Variants in PSD2 observed in about 807,000 individuals in gnomAD.
The protein encoded by PSD2 is pleckstrin and Sec7 domain containing 2, also known as PH and SEC7 domain-containing protein 2.
In PSD2, 38 loss-of-function variants were observed where a neutral mutation model predicts 69.8. The ratio of observed to expected loss-of-function variants is 0.54; its 90% CI spans 0.42 to 0.71. The LOEUF is 0.71. Ranked by LOEUF, PSD2 falls within the 30% of genes least tolerant of loss-of-function variation. The pLI, the probability that PSD2 is intolerant of heterozygous loss-of-function variation, is 0.00. For synonymous variants in PSD2, 412 were observed against 423.0 expected, an observed-to-expected ratio of 0.97 and a Z score of 0.32; for missense variants, 943 against 1,014.5, an observed-to-expected ratio of 0.93 and a Z score of 0.96.
the PSD2 span, among the ~76,000 whole-genome samples, chr5:139,786,587 G>A: frequency 1.3e-5 from 2 of 152,098 alleles, no homozygotes; most frequent in Admixed American, 6.5e-5. Flanking sequence ...AGTCCATGTG[G>A]TGGATCACCT....
At chr5:139,778,152 T>C in the PSD2 span, among the ~76,000 whole-genome samples, 1 of 152,192 alleles carries the variant, frequency 6.6e-6, no homozygotes, top group African/African-American at 2.4e-5. Flanking sequence ...TTAGTGGCAC[T>C]CGAGGTGTGA....
the PSD2 span, among the ~76,000 whole-genome samples, chr5:139,760,075 A>G: frequency 1.2e-4 from 18 of 152,116 alleles, no homozygotes; most frequent in African/African-American, 4.3e-4. Flanking sequence ...CTTCTGCTCT[A>G]CTCCCTGACC....
intron 1 of PSD2, among the ~76,000 whole-genome samples, chr5:139,796,506 C>CGGCT (rs1561589314): frequency 1.3e-5 from 2 of 152,224 alleles, no homozygotes. Flanking sequence ...CAGGCCTCCC[C>CGGCT]GGCTCTGCAG....
chr5:139,831,413 A>C (rs888386553), intron 7 of PSD2, among the ~76,000 whole-genome samples: 1 of 152,312 alleles, frequency 6.6e-6, no homozygotes, highest in South Asian at 2.1e-4. Flanking sequence ...ATTTGAGTTT[A>C]AGTATATCAA....
the PSD2 span, among the ~76,000 whole-genome samples, chr5:139,783,530 T>C: frequency 6.6e-6 from 1 of 152,230 alleles, no homozygotes; most frequent in Non-Finnish European, 1.5e-5. Context: ...GCACATATTG[T>C]TAATCCATTC....
chr5:139,769,796 G>T, the PSD2 span, among the ~76,000 whole-genome samples: 26 of 152,362 alleles, frequency 1.7e-4, no homozygotes, highest in African/African-American at 5.8e-4. Context: ...CCTGAGTTGG[G>T]CCAGCCACAG....
chr5:139,765,934 CG>C, the PSD2 span, among the ~76,000 whole-genome samples: 1 of 152,136 alleles, frequency 6.6e-6, no homozygotes, highest in Non-Finnish European at 1.5e-5. Flanking sequence ...CGCTCTGGCC[CG>C]GGGTGGTGCG....
At chr5:139,765,774 C>T in the PSD2 span, among the ~76,000 whole-genome samples, 4 of 152,192 alleles carry the variant, frequency 2.6e-5, no homozygotes, top group East Asian at 1.9e-4. Flanking sequence ...GGGGGTTCCT[C>T]CCGGAGTGAC....
At chr5:139,789,912 G>A in the PSD2 span, among the ~76,000 whole-genome samples, 2 of 152,010 alleles carry the variant, frequency 1.3e-5, no homozygotes, top group Admixed American at 6.6e-5. Context: ...GGTGACATTG[G>A]AAGAGAGCGC....
At chr5:139,774,222 C>CT in the PSD2 span, among the ~76,000 whole-genome samples, 1 of 151,978 alleles carries the variant, frequency 6.6e-6, no homozygotes, top group African/African-American at 2.4e-5. Flanking sequence ...CTCTTAGCTT[C>CT]AGTGGTCTCA....
Position 139,844,463 on chromosome 5 carries a change from C to T in PSD2, c.*1989C>T, listed in dbSNP as rs1760949985. 6.6e-6 allele frequency: 1 copy of T among 152,506 alleles called. No individual in the cohort carries two copies. Among genetic ancestry groups the T allele is most frequent in the South Asian group, 2.1e-4 (1 of 4,824 alleles). The allele number at this position is 152,506 out of a possible 1,614,324, so 9.4% of individuals were successfully genotyped here. On this transcript the variant is annotated 3_prime_UTR_variant, in exon 15 of 15. Coordinates refer to ENST00000274710, the MANE Select transcript of PSD2 (RefSeq NM_032289.4). ...ATGAAAATAAATCTAAGTCAAAGTTCTAATAGTTCTTCCTGCATTCGAATG... is the reference window on the plus strand; with the variant it reads ...ATGAAAATAAATCTAAGTCAAAGTTTTAATAGTTCTTCCTGCATTCGAATG...
chr5:139,759,369 C>T, the PSD2 span, among the ~76,000 whole-genome samples: 1 of 152,180 alleles, frequency 6.6e-6, no homozygotes, highest in East Asian at 1.9e-4. Flanking sequence ...CTCCCTGCTC[C>T]TGCCTCCTGC....
intron 7 of PSD2, 148 bp from the exon 8 acceptor site, chr5:139,833,554 C>T (rs1409927391): frequency 3.0e-6 from 2 of 668,340 alleles, no homozygotes; most frequent in Non-Finnish European, 2.8e-6. Context: ...GTTTTGTAAA[C>T]TCTTGGAGAC....
Position 139,814,456 on chromosome 5 carries a change from A to G in PSD2, c.1016+92A>G. On this transcript the variant is annotated intron_variant, in intron 4 of 14. Coordinates refer to ENST00000274710, the MANE Select transcript of PSD2 (RefSeq NM_032289.4). This position sits in a 1 kb window ranked among gnomAD's most constrained non-coding sequence, Gnocchi z 4.4. ...GTGGGTGACCTTCTTCAGGGGTGCCAGGTGCTGGGGGGGCACTCCCAACAG... is the reference window on the plus strand; with the variant it reads ...GTGGGTGACCTTCTTCAGGGGTGCCGGGTGCTGGGGGGGCACTCCCAACAG... 3 of 1,232,246 alleles carry G rather than the reference A, an allele frequency of 2.4e-6. No individual in the cohort carries two copies. Among genetic ancestry groups the G allele is most frequent in the South Asian group, 3.3e-5 (2 of 59,746 alleles). The allele number at this position is 1,232,246 out of a possible 1,614,324, so 76.3% of individuals were successfully genotyped here.
At chr5:139,771,401 T>C in the PSD2 span, among the ~76,000 whole-genome samples, 7 of 152,028 alleles carry the variant, frequency 4.6e-5, no homozygotes, top group Admixed American at 6.5e-5. Flanking sequence ...TTTTTTGAGA[T>C]GGAGTCTCAC....
At chr5:139,816,012 A>AAG (rs1228998759) in intron 4 of PSD2, among the ~76,000 whole-genome samples, 37 of 150,040 alleles carry the variant, frequency 2.5e-4, no homozygotes, top group African/African-American at 7.7e-4. Context: ...AAAAAAAAAA[A>AAG]AAAAGAAAAT....
At chr5:139,789,008 G>A in the PSD2 span, among the ~76,000 whole-genome samples, 7 of 152,160 alleles carry the variant, frequency 4.6e-5, no homozygotes, top group Admixed American at 2.0e-4. Context: ...GGTGGGTCAC[G>A]TTGTCCTCGT....
At chr5:139,754,347 A>C in the PSD2 span, among the ~76,000 whole-genome samples, 2 of 152,108 alleles carry the variant, frequency 1.3e-5, no homozygotes, top group Admixed American at 6.5e-5. Context: ...TGGTAGGATC[A>C]CTTGAGCCCA....
At position 139,814,334 on chromosome 5, in the gene PSD2, G is replaced by A. The variant is rs1198727884; in HGVS notation, c.986G>A (p.Arg329His). ...RRLYHLEGFQ[R>H]CDVARQLGKN... ...CTCTACCACCTCGAGGGCTTCCAGC[G>A]CTGTGATGTGGCCCGGCAGCTGGGC... The change falls in exon 4 of 15, where the codon CGC becomes CAC. Residue 329 changes from arginine (R) to histidine (H), a missense_variant. Transcript: ENST00000274710. The surrounding 1 kb of genome is among the most constrained non-coding windows in gnomAD (Gnocchi z 4.4). 6 of 1,607,752 alleles carry A rather than the reference G, an allele frequency of 3.7e-6. No individual in the cohort carries two copies. Among genetic ancestry groups the A allele is most frequent in the African/African-American group, 2.7e-5 (2 of 74,568 alleles).
Sources: allele counts gnomAD v4.1 joint callset (sites outside exome capture counted in the v4.1 genomes callset), GRCh38; gene constraint gnomAD v4.1.1; non-coding constraint Gnocchi (gnomAD v3.1); transcripts MANE v1.5; gene names NCBI Gene and HGNC (gene_info 2026-07-23, HGNC 2026-07-21).